SYT16: variants seen among roughly 807,000 people sequenced by gnomAD.
SYT16 encodes synaptotagmin 16, also known as synaptotagmin-16.
SYT16 carries 42 observed loss-of-function variants against 61.4 expected under a neutral mutation model. That is an observed-to-expected ratio of 0.68 (90% CI 0.53 to 0.89). The LOEUF (loss-of-function observed/expected upper bound fraction) is 0.89, where lower values mean the gene tolerates loss of function less well. SYT16 is among the 40% of genes least tolerant of loss of function. The pLI is 0.00. For synonymous variants in SYT16, 314 were observed against 302.3 expected, an observed-to-expected ratio of 1.04 and a Z score of -0.40; for missense variants, 804 against 807.3, an observed-to-expected ratio of 1.00 and a Z score of 0.05.
At chr14:62,078,171 A>ATATAT (rs745673892) in intron 5 of SYT16, among the ~76,000 whole-genome samples, 2 of 140,214 alleles carry the variant, frequency 1.4e-5, no homozygotes, top group Admixed American at 7.0e-5. Context: ...ATATATATAT[A>ATATAT]AACACACACA....
At chr14:61,829,686 G>A (rs139700117) in intron 1 of SYT16, among the ~76,000 whole-genome samples, 2,669 of 150,138 alleles carry the variant, frequency 0.018, 42 homozygotes, top group Middle Eastern at 0.049. Context: ...ACGGAGTCTC[G>A]CTCTGTCGCC....
intron 1 of SYT16, among the ~76,000 whole-genome samples, chr14:61,956,392 A>G (rs1457428735): frequency 1.3e-5 from 2 of 151,952 alleles, no homozygotes; most frequent in African/African-American, 4.8e-5. Flanking sequence ...AGTGTTTAGC[A>G]GCTTTTAAAA....
At chr14:62,003,709 G>A (rs1167299504) in intron 3 of SYT16, among the ~76,000 whole-genome samples, 1 of 152,078 alleles carries the variant, frequency 6.6e-6, no homozygotes, top group Non-Finnish European at 1.5e-5. Context: ...AAACTGGGTA[G>A]CATGTTTGGG....
At position 62,011,867 on chromosome 14, in the gene SYT16, CTATA is replaced by C. The variant is rs66974255; in HGVS notation, c.523+15330_523+15333del. 2.5e-3 allele frequency among the ~76,000 whole-genome samples: 152 copies of C among 61,524 alleles called. 1 individual carries two copies. In the South Asian group the frequency reaches 0.046, roughly 19 times the overall value. 40.4% of individuals were successfully genotyped at this position (61,524 alleles called of 152,430 possible). On this transcript the variant is annotated intron_variant, in intron 3 of 7. Transcript: ENST00000683842. The stretch of plus-strand genomic sequence containing the variant: ...CATGTCTACCACAAGTCAGGGAACA[CTATA>C]TATACACACACACACACACACACAC...
At chr14:62,078,171 AAAC>A (rs2056576385) in intron 5 of SYT16, among the ~76,000 whole-genome samples, 1 of 140,214 alleles carries the variant, frequency 7.1e-6, no homozygotes. Context: ...ATATATATAT[AAAC>A]ACACACACAC....
At chr14:61,957,811 G>A (rs1280425287) in intron 1 of SYT16, among the ~76,000 whole-genome samples, 1 of 151,814 alleles carries the variant, frequency 6.6e-6, no homozygotes, top group East Asian at 1.9e-4. Context: ...TGGTGATAAT[G>A]GCCTCATAAA....
At chr14:62,061,750 G>A (rs1388949766) in intron 3 of SYT16, among the ~76,000 whole-genome samples, 1 of 151,984 alleles carries the variant, frequency 6.6e-6, no homozygotes, top group Non-Finnish European at 1.5e-5. Flanking sequence ...CATGGAGGAA[G>A]ACGTAACAAA....
chr14:61,830,327 A>G (rs1300890262), intron 1 of SYT16, among the ~76,000 whole-genome samples: 2 of 152,250 alleles, frequency 1.3e-5, no homozygotes, highest in Admixed American at 6.5e-5. Flanking sequence ...TGAGTATTAC[A>G]TAATGAGATT....
Position 62,107,786 on chromosome 14 carries a change from G to T in SYT16, c.*7079G>T, listed in dbSNP as rs1019492494. 5.9e-5 allele frequency: 9 copies of T among 152,154 alleles called. No homozygotes were observed. Among genetic ancestry groups the T allele is most frequent in the African/African-American group, 2.2e-4 (9 of 41,426 alleles). The allele number at this position is 152,154 out of a possible 1,614,324, so 9.4% of individuals were successfully genotyped here. ...AAATGGATATGTTTTGTATCTGGGG[G>T]AGGAAATGCATCATTCCATTCCAGC... On this transcript the variant is annotated 3_prime_UTR_variant, in exon 8 of 8. Coordinates refer to ENST00000683842, the MANE Select transcript of SYT16 (RefSeq NM_001367656.1).
intron 3 of SYT16, among the ~76,000 whole-genome samples, chr14:62,027,837 T>C (rs2054160810): frequency 6.6e-6 from 1 of 152,218 alleles, no homozygotes; most frequent in Admixed American, 6.5e-5. Flanking sequence ...CCAAGCTGCT[T>C]GAAAAGAGCC....
intron 2 of SYT16, among the ~76,000 whole-genome samples, chr14:61,971,243 A>C (rs2051541491): frequency 6.6e-6 from 1 of 152,234 alleles, no homozygotes; most frequent in African/African-American, 2.4e-5. Flanking sequence ...AAATTATCCC[A>C]AGACTTAGTA....
intron 1 of SYT16, among the ~76,000 whole-genome samples, chr14:61,860,212 C>A (rs1182321533): frequency 1.3e-5 from 2 of 152,114 alleles, no homozygotes; most frequent in Non-Finnish European, 2.9e-5. Flanking sequence ...CTGCTTCTTT[C>A]CAAACAACAA....
At chr14:61,823,733 C>T (rs1206943458) in intron 1 of SYT16, among the ~76,000 whole-genome samples, 1 of 152,156 alleles carries the variant, frequency 6.6e-6, no homozygotes, top group Non-Finnish European at 1.5e-5. Flanking sequence ...GCCTGGGTGA[C>T]AGAGCGAGAC....
intron 1 of SYT16, among the ~76,000 whole-genome samples, chr14:61,951,670 TG>T (rs1360033342): frequency 6.6e-6 from 1 of 152,148 alleles, no homozygotes; most frequent in African/African-American, 2.4e-5. Context: ...AAAGTTAAAT[TG>T]CCCCATTGAC....
At chr14:62,022,477 A>G (rs1182454669) in intron 3 of SYT16, among the ~76,000 whole-genome samples, 3 of 152,074 alleles carry the variant, frequency 2.0e-5, no homozygotes, top group African/African-American at 4.8e-5. Context: ...CAGTTTTACC[A>G]TGATGTATTT....
intron 3 of SYT16, among the ~76,000 whole-genome samples, chr14:62,049,143 T>C (rs1595266117): frequency 1.3e-5 from 2 of 152,342 alleles, no homozygotes; most frequent in East Asian, 3.9e-4. Context: ...GGACTTGCTT[T>C]ATGAATCTGG....
intron 2 of SYT16, among the ~76,000 whole-genome samples, chr14:61,971,737 T>C (rs182849820): frequency 1.2e-4 from 18 of 152,380 alleles, no homozygotes; most frequent in African/African-American, 3.8e-4. Flanking sequence ...GAGGTGTAAA[T>C]TGCAGATTTG....
At chr14:62,090,268 C>G (rs1188153611) in intron 7 of SYT16, among the ~76,000 whole-genome samples, 1 of 152,148 alleles carries the variant, frequency 6.6e-6, no homozygotes, top group African/African-American at 2.4e-5. Flanking sequence ...AAACAAGTTC[C>G]CCAGCTTCTC....
At chr14:61,877,473 C>T (rs1270318292) in intron 1 of SYT16, among the ~76,000 whole-genome samples, 1 of 152,192 alleles carries the variant, frequency 6.6e-6, no homozygotes, top group Non-Finnish European at 1.5e-5. Context: ...AAACACACAC[C>T]TGAGACTTAC....
Sources: gnomAD v4.1 joint callset for allele counts (sites outside exome capture counted in the v4.1 genomes callset) on GRCh38, gnomAD v4.1.1 for gene constraint, MANE v1.5 for transcripts, NCBI Gene and HGNC (gene_info 2026-07-23, HGNC 2026-07-21) for gene names.